Variants in FER1L5 observed in about 807,000 individuals in gnomAD.
FER1L5 encodes the protein fer-1-like protein 5.
FER1L5 carries 187 observed loss-of-function variants against 279.9 expected under a neutral mutation model. The ratio of observed to expected loss-of-function variants is 0.67; its 90% confidence interval spans 0.59 to 0.75. The LOEUF (loss-of-function observed/expected upper bound fraction) is 0.75, where lower values mean the gene tolerates loss of function less well. FER1L5 is among the 30% of genes least tolerant of loss of function. The pLI is 0.00. For synonymous variants in FER1L5, 921 were observed against 989.7 expected (o/e 0.93, Z 1.30); for missense variants, 2,091 against 2,594.4 (o/e 0.81, Z 4.21).
chr2:96,696,039 T>A lies in FER1L5; in HGVS notation c.4058-13T>A. On this transcript the variant is annotated splice_polypyrimidine_tract_variant and intron_variant, in intron 36 of 52. Transcript: ENST00000624922. Reference sequence around the variant, plus strand: ...CCCATCCTGAGACTCGTCCCTGCGCTCTCCCCGCACAGCGCTGTCTGAGAA... The same window carrying A: ...CCCATCCTGAGACTCGTCCCTGCGCACTCCCCGCACAGCGCTGTCTGAGAA... 6.2e-7 allele frequency: 1 copy of A among 1,613,832 alleles called. No homozygotes were observed.
rs1425197219 is a variant in FER1L5, at chr2:96,690,819, A to C, written c.2743+230A>C. ...AGCCTGGCCCAGAGCAAGGCGTGGC[A>C]GATGCTGGTGAACAGGAGGCTATCA... On this transcript the variant is annotated intron_variant, in intron 27 of 52. Transcript: ENST00000624922. Among the ~76,000 whole-genome samples, 7 of 152,216 alleles carry C rather than the reference A, an allele frequency of 4.6e-5. No homozygotes were observed. In the East Asian group the frequency reaches 1.3e-3, roughly 29 times the overall value.
chr2:96,702,566 ACAT>A lies in FER1L5; in HGVS notation c.5256-33_5256-31del, dbSNP rs2077625759. On this transcript the variant is annotated intron_variant, in intron 47 of 52. Transcript: ENST00000624922. This position sits in a 1 kb window ranked among gnomAD's most constrained non-coding sequence, Gnocchi z 4.0. ...TCCAGCTGGGGGATGGGGCCAATGC[ACAT>A]GAGCCACAGGTGATAGGACTCTGGC... 3 of 1,555,346 alleles carry A rather than the reference ACAT, an allele frequency of 1.9e-6. No homozygotes were observed. The East Asian group carries it at 7.3e-5, about 38-fold the overall frequency.
rs780406752 is a variant in FER1L5 at position 96,684,380 on chromosome 2, A to C, written c.1723A>C (p.Thr575Pro). The change falls in exon 20 of 53, where the codon ACC becomes CCC. Residue 575 changes from threonine to proline, a missense_variant. By Grantham distance (38) the Thr-to-Pro change is conservative. Coordinates refer to ENST00000624922, the MANE Select transcript of FER1L5 (RefSeq NM_001293083.2). Reference protein sequence around the residue: ...WYNTKPVVAVTSNWEDVSFRM... With the variant: ...WYNTKPVVAVPSNWEDVSFRM... ...CAACACCAAGCCTGTCGTGGCCGTG[A>C]CCTCCAACTGGGAGGACGTCAGCTT... 3.3e-5 allele frequency: 51 copies of C among 1,551,426 alleles called. No individual in the cohort carries two copies. The highest frequency in any genetic ancestry group is 3.9e-5 in the Non-Finnish European group (45 of 1,146,962).
At chr2:96,688,470 G>A (rs746928627) in intron 24 of FER1L5, among the ~76,000 whole-genome samples, 4 of 152,140 alleles carry the variant, frequency 2.6e-5, no homozygotes, top group Non-Finnish European at 5.9e-5. Context: ...GGGAGTGGGC[G>A]GGCGGTGGCC....
At chr2:96,682,066 G>C (rs998598672) in intron 19 of FER1L5, among the ~76,000 whole-genome samples, 3 of 151,456 alleles carry the variant, frequency 2.0e-5, no homozygotes, top group African/African-American at 7.3e-5. Context: ...GATTACAGGT[G>C]TGAGCCACCA....
chr2:96,649,804 G>T (rs2075288327), intron 5 of FER1L5, 127 bp downstream of exon 5: 2 of 929,242 alleles, frequency 2.2e-6, no homozygotes, highest in South Asian at 3.2e-5. Flanking sequence ...GACCAGGCTA[G>T]GGTCCCTGGA....
In FER1L5 at chr2:96,698,220, A is replaced by T; in HGVS notation, c.4356+64A>T. The T allele has an allele frequency of 7.3e-6, 11 of 1,513,074 alleles. No homozygotes were observed. Among genetic ancestry groups the T allele is most frequent in the Non-Finnish European group, 9.8e-6 (11 of 1,125,910 alleles). The allele number at this position is 1,513,074 out of a possible 1,614,324, so 93.7% of individuals were successfully genotyped here. On this transcript the variant is annotated intron_variant, in intron 40 of 52. Transcript: ENST00000624922. This position sits in a 1 kb window ranked among gnomAD's most constrained non-coding sequence, Gnocchi z 5.5. The stretch of plus-strand genomic sequence containing the variant: ...GTGCACCTTCTGTCCCTGGAAAACG[A>T]ATAAAAGCCCTGGCTCTATATGCTC...
Position 96,662,211 on chromosome 2 carries a change from A to C in FER1L5, c.1019-4A>C, listed in dbSNP as rs774258016. On this transcript the variant is annotated splice_region_variant and splice_polypyrimidine_tract_variant and intron_variant, in intron 12 of 52. Transcript: ENST00000624922. ...TCAGATATCTTTTAACTTGTTGTTC[A>C]TAGAGAAACACCAGTCAGTGAATCC... 6.4e-7 allele frequency: 1 copy of C among 1,551,594 alleles called. No individual in the cohort carries two copies. The highest frequency in any genetic ancestry group is 1.2e-5 in the South Asian group (1 of 84,050).
Position 96,686,272 on chromosome 2 carries a change from C to A in FER1L5, c.2151C>A (p.Ala717=). 1 of 1,551,630 alleles carries A rather than the reference C, an allele frequency of 6.4e-7. No homozygotes were observed. Among genetic ancestry groups the A allele is most frequent in the South Asian group, 1.2e-5 (1 of 84,062 alleles). ...EQRVAYAQVP[A]HSVLFSPAGA... is the part of the protein sequence containing the mutation. ...GAGTGGCCTATGCACAGGTGCCTGC[C>A]CACTCCGTCCTCTTCTCCCCGGCAG... is the stretch of plus-strand genomic sequence containing the variant. Residue 717 remains alanine, a synonymous_variant, in exon 23 of 53, where the codon GCC becomes GCA. Transcript: ENST00000624922.
chr2:96,649,744 G>T, intron 5 of FER1L5, 67 bp downstream of exon 5: 1 of 1,495,516 alleles, frequency 6.7e-7, no homozygotes, highest in South Asian at 1.2e-5. Flanking sequence ...AGCTGGATGG[G>T]TTCTTGGGGA....
chr2:96,683,726 C>G (rs1236487695), intron 19 of FER1L5, among the ~76,000 whole-genome samples: 2 of 152,220 alleles, frequency 1.3e-5, no homozygotes, highest in Non-Finnish European at 2.9e-5. Context: ...CAAAAGTCAG[C>G]TTTGGCTTTC....
chr2:96,694,530 C>A lies in FER1L5; in HGVS notation c.3741+66C>A. 1 of 1,281,094 alleles carries A rather than the reference C, an allele frequency of 7.8e-7. No individual in the cohort carries two copies. The highest frequency in any genetic ancestry group is 2.7e-5 in the Admixed American group (1 of 37,672). The allele number at this position is 1,281,094 out of a possible 1,614,324, so 79.4% of individuals were successfully genotyped here. A position where few individuals can be genotyped will look rare whatever the true frequency, so the allele number is the denominator to read the frequency against. ...GGGGGTGGTCTGGAGTGCGCTGCAG[C>A]CTTCTGCTGGTCCTCCCTGACTACT... On this transcript the variant is annotated intron_variant, in intron 34 of 52. Transcript: ENST00000624922. The surrounding 1 kb of genome is among the most constrained non-coding windows in gnomAD (Gnocchi z 4.6).
In FER1L5 at chr2:96,691,224, C is replaced by A; in HGVS notation, c.2778C>A (p.Gly926=). The part of the protein sequence containing the change: ...WEYGVGIPPS[G]LPQVWSPVEK... ...ATGGAGTGGGGATCCCACCGTCGGG[C>A]CTGCCCCAGGTCTGGAGCCCGGTGG... The change falls in exon 28 of 53, where the codon GGC becomes GGA. Residue 926 remains glycine, a synonymous_variant. Transcript: ENST00000624922. This position sits in a 1 kb window ranked among gnomAD's most constrained non-coding sequence, Gnocchi z 6.0. 1 of 1,550,230 alleles carries A rather than the reference C, an allele frequency of 6.5e-7. No homozygotes were observed. Among genetic ancestry groups the A allele is most frequent in the Non-Finnish European group, 8.7e-7 (1 of 1,146,784 alleles).
intron 51 of FER1L5, 101 bp downstream of exon 51, chr2:96,703,733 C>T (rs1573983882): frequency 1.0e-6 from 1 of 967,682 alleles, no homozygotes; most frequent in East Asian, 2.6e-5. Flanking sequence ...AATTACCTCC[C>T]ACCCCACAGC....
At position 96,686,197 on chromosome 2, in the gene FER1L5, C is replaced by A; in HGVS notation, c.2076C>A (p.Pro692=). Residue 692 remains proline (P), a splice_region_variant and synonymous_variant, in exon 23 of 53, where the codon CCC becomes CCA. Coordinates refer to ENST00000624922, the MANE Select transcript of FER1L5 (RefSeq NM_001293083.2). ...CTGACATTCTCCCACCTCGGCAGCC[C>A]CAGATGGGCCTCCCTGACGTGATGA... The part of the protein sequence containing the change: ...LYRLNTVLPE[P]QMGLPDVMIW... 2.6e-6 allele frequency: 4 copies of A among 1,550,232 alleles called. No individual in the cohort carries two copies. Among genetic ancestry groups the A allele is most frequent in the Non-Finnish European group, 3.5e-6 (4 of 1,145,990 alleles).
In FER1L5 at chr2:96,694,746, TG is replaced by T. The variant is rs886519270; in HGVS notation, c.3741+283del. 3.4e-6 allele frequency: 1 copy of T among 297,440 alleles called. No individual in the cohort carries two copies. The highest frequency in any genetic ancestry group is 2.2e-5 in the African/African-American group (1 of 46,174). 18.4% of individuals were successfully genotyped at this position (297,440 alleles called of 1,614,324 possible). ...TGCCCCTGCGCAGTAGCAACTACTT[TG>T]CAGAGAAGGAAATAGAGGCTCCAAG... On this transcript the variant is annotated intron_variant, in intron 34 of 52. Transcript: ENST00000624922. The surrounding 1 kb of genome is among the most constrained non-coding windows in gnomAD (Gnocchi z 4.6).
intron 23 of FER1L5, among the ~76,000 whole-genome samples, chr2:96,686,602 C>T (rs1419904612): frequency 6.6e-6 from 1 of 152,122 alleles, no homozygotes; most frequent in African/African-American, 2.4e-5. Flanking sequence ...CACAGGTAAT[C>T]CCAGCACTTT....
intron 19 of FER1L5, among the ~76,000 whole-genome samples, chr2:96,678,163 C>T (rs1327235097): frequency 1.3e-5 from 2 of 151,830 alleles, no homozygotes; most frequent in Non-Finnish European, 2.9e-5. Flanking sequence ...CTCGCTCTGA[C>T]ACCCAGGCTG....
intron 24 of FER1L5, among the ~76,000 whole-genome samples, chr2:96,688,752 G>A (rs1214204182): frequency 1.3e-5 from 2 of 151,856 alleles, no homozygotes; most frequent in African/African-American, 4.8e-5. Context: ...CATGCTCAGC[G>A]GGCACCGGAG....
Sources: gnomAD v4.1 joint callset for allele counts (sites outside exome capture counted in the v4.1 genomes callset) on GRCh38, gnomAD v4.1.1 for gene constraint, Gnocchi (gnomAD v3.1) non-coding constraint, MANE v1.5 for transcripts, NCBI Gene and HGNC (gene_info 2026-07-23, HGNC 2026-07-21) for gene names.